Variants in ZFAND1 observed in about 807,000 individuals in gnomAD.
ZFAND1 encodes the protein zinc finger AN1-type containing 1, also known as AN1-type zinc finger protein 1.
In ZFAND1, 40 loss-of-function variants were observed where a neutral mutation model predicts 38.5. That is an observed-to-expected ratio of 1.04 (90% CI 0.81 to 1.35). The LOEUF is 1.35. ZFAND1 is among the 40% of genes most tolerant of loss of function. ZFAND1 has a pLI of 0.00. For missense variants in ZFAND1, 346 were observed against 316.3 expected, an observed-to-expected ratio of 1.09 and a Z score of -0.71; for synonymous variants, 117 against 103.6, an observed-to-expected ratio of 1.13 and a Z score of -0.78.
rs1371148661 is a variant in ZFAND1, at chr8:81,701,338, T to G, written c.*1357A>C. The G allele has an allele frequency of 2.0e-5, 3 of 152,152 alleles. No individual in the cohort carries two copies. The highest frequency in any genetic ancestry group is 3.8e-4 in the East Asian group (2 of 5,206). 9.4% of individuals were successfully genotyped at this position (152,152 alleles called of 1,614,324 possible). ...TTGAAGGCTCAGATATTATTAGCATTTTTTAGCAATAAAGTATTTTTTTAC... is the reference window on the plus strand; with the variant it reads ...TTGAAGGCTCAGATATTATTAGCATGTTTTAGCAATAAAGTATTTTTTTAC... On this transcript the variant is annotated 3_prime_UTR_variant, in exon 8 of 8. Transcript: ENST00000220669.
chr8:81,711,371 G>T (rs1394871755), intron 6 of ZFAND1, among the ~76,000 whole-genome samples: 2 of 152,016 alleles, frequency 1.3e-5, no homozygotes, highest in Non-Finnish European at 1.5e-5. Flanking sequence ...GAGATCGCAC[G>T]ACTGCACTCC....
At chr8:81,717,411 G>T (rs900632502) in intron 2 of ZFAND1, 123 bp from the exon 3 acceptor site, 5 of 609,454 alleles carry the variant, frequency 8.2e-6, no homozygotes, top group African/African-American at 3.8e-5. Flanking sequence ...TAATAACTTT[G>T]AATATGAGAA....
intron 3 of ZFAND1, among the ~76,000 whole-genome samples, chr8:81,716,362 C>T (rs1443424811): frequency 1.3e-5 from 2 of 152,152 alleles, no homozygotes; most frequent in Non-Finnish European, 2.9e-5. Context: ...TCTTTGCAAA[C>T]CCATTTGCTC....
rs896003118 is a variant in ZFAND1, at chr8:81,710,834, T to C, written c.480+3084A>G. ...GTAACTCTACAAACTATTAGAGTTA[T>C]ATAAAAAAATTAGCAAAAACACATC... is the stretch of plus-strand genomic sequence containing the variant. On this transcript the variant is annotated intron_variant, in intron 6 of 7. Coordinates refer to ENST00000220669, the MANE Select transcript of ZFAND1 (RefSeq NM_024699.3). Among the ~76,000 whole-genome samples the C allele has an allele frequency of 2.0e-4, 31 of 152,276 alleles. 2 individuals are homozygous for C. Among genetic ancestry groups the C allele is most frequent in the Middle Eastern group, 6.8e-3 (2 of 294 alleles).
In ZFAND1 at chr8:81,721,245, C is replaced by A. The variant is rs916832382; in HGVS notation, c.37G>T (p.Glu13Ter). The A allele has an allele frequency of 2.6e-6, 4 of 1,549,046 alleles. No individual in the cohort carries two copies. In the Admixed American group the frequency reaches 5.9e-5, roughly 23 times the overall value. Reference protein sequence around the residue: ...ELDIGQHCQVEHCRQRDFLPF... With the variant: ...ELDIGQHCQV ...GGATCACCTCGCTGCCGGCAATGCTCCACCTGGCAGTGCTGCCCGATGTCC... is the reference window on the plus strand; with the variant it reads ...GGATCACCTCGCTGCCGGCAATGCTACACCTGGCAGTGCTGCCCGATGTCC... The change falls in exon 1 of 8, where the codon GAG (glutamate) becomes TAG (stop). Residue 13 changes from glutamate (E) to a stop codon, truncating the protein, a stop_gained. Coordinates refer to ENST00000220669, the MANE Select transcript of ZFAND1 (RefSeq NM_024699.3). LOFTEE classifies it high-confidence loss of function.
intron 6 of ZFAND1, among the ~76,000 whole-genome samples, chr8:81,712,182 G>C (rs1808158197): frequency 6.6e-6 from 1 of 151,972 alleles, no homozygotes; most frequent in Non-Finnish European, 1.5e-5. Flanking sequence ...TTACAGTAAA[G>C]TTTAATATCC....
chr8:81,721,207 G>T lies in ZFAND1; in HGVS notation c.55+20C>A, dbSNP rs745709102. 9.1e-6 allele frequency: 14 copies of T among 1,546,628 alleles called. No homozygotes were observed. Among genetic ancestry groups the T allele is most frequent in the African/African-American group, 1.4e-5 (1 of 73,008 alleles). ...TGGTCTCCCGCGGCCGGGGATGGGG[G>T]CTGGAAGCTCCCGGATCACCTCGCT... On this transcript the variant is annotated intron_variant, in intron 1 of 7. Coordinates refer to ENST00000220669, the MANE Select transcript of ZFAND1 (RefSeq NM_024699.3).
In ZFAND1 at chr8:81,705,202, G is replaced by A. The variant is rs1299179594; in HGVS notation, c.481-2078C>T. Among the ~76,000 whole-genome samples the A allele has an allele frequency of 1.8e-4, 27 of 152,158 alleles. 1 individual carries two copies. Among genetic ancestry groups the A allele is most frequent in the Admixed American group, 1.8e-3 (27 of 15,274 alleles). On this transcript the variant is annotated intron_variant, in intron 6 of 7. Transcript: ENST00000220669. The stretch of plus-strand genomic sequence containing the variant: ...GCAGCTAAAGTTACTGCTGAATGCT[G>A]ACTTAAGTATAAAATTGCCAGACAG...
chr8:81,717,157 G>A (rs1585929626), intron 3 of ZFAND1, 92 bp downstream of exon 3: 1 of 1,089,204 alleles, frequency 9.2e-7, no homozygotes, highest in East Asian at 2.9e-5. Flanking sequence ...ACTTTAATCT[G>A]TGATACTGAC....
In ZFAND1 at chr8:81,721,259, T is replaced by G. The variant is rs764209106; in HGVS notation, c.23A>C (p.Gln8Pro). 3 of 1,549,278 alleles carry G rather than the reference T, an allele frequency of 1.9e-6. No homozygotes were observed. Among genetic ancestry groups the G allele is most frequent in the African/African-American group, 1.4e-5 (1 of 73,100 alleles). Residue 8 changes from glutamine to proline, a missense_variant, in exon 1 of 8, where the codon CAG (glutamine) becomes CCG (proline). Physicochemically the swap from Gln to Pro is moderately conservative, Grantham distance 76. Transcript: ENST00000220669. MAELDIG[Q>P]HCQVEHCRQR... ...CCGGCAATGCTCCACCTGGCAGTGC[T>G]GCCCGATGTCCAACTCCGCCATCTC...
rs191544629 is a variant in ZFAND1, at chr8:81,715,411, T to C, written c.139-297A>G. 3.8e-3 allele frequency among the ~76,000 whole-genome samples: 576 copies of C among 152,300 alleles called. 5 individuals are homozygous for C. Among genetic ancestry groups the C allele is most frequent in the African/African-American group, 0.013 (546 of 41,562 alleles). On this transcript the variant is annotated intron_variant, in intron 3 of 7. Transcript: ENST00000220669. ...TAACAGTCTCATACAAAGGTGCCCCTATGATATGCTCAGGTAATTATCTCA... is the reference window on the plus strand; with the variant it reads ...TAACAGTCTCATACAAAGGTGCCCCCATGATATGCTCAGGTAATTATCTCA...
At chr8:81,710,386 G>A (rs1373339534) in intron 6 of ZFAND1, among the ~76,000 whole-genome samples, 1 of 152,074 alleles carries the variant, frequency 6.6e-6, no homozygotes, top group East Asian at 1.9e-4. Context: ...AATATCAGGG[G>A]TAGTCAATAA....
At chr8:81,703,167 T>C in intron 6 of ZFAND1, 43 bp from the exon 7 acceptor site, 4 of 1,365,458 alleles carry the variant, frequency 2.9e-6, no homozygotes, top group South Asian at 1.8e-5. Flanking sequence ...ATAGACAAAA[T>C]AGACATCAGT....
chr8:81,705,205 T>G (rs549511607), intron 6 of ZFAND1, among the ~76,000 whole-genome samples: 1 of 152,144 alleles, frequency 6.6e-6, no homozygotes, highest in South Asian at 2.1e-4. Context: ...GAATGCTGAC[T>G]TAAGTATAAA....
chr8:81,706,366 G>GAAACA (rs1807981043), intron 6 of ZFAND1, among the ~76,000 whole-genome samples: 1 of 6,846 alleles, frequency 1.5e-4, no homozygotes, highest in East Asian at 2.3e-3. Context: ...TAAGGAAGGA[G>GAAACA]AAACAAAAAA....
rs903340521 is a variant in ZFAND1, at chr8:81,701,672, C to T, written c.*1023G>A. 3 of 152,208 alleles carry T rather than the reference C, an allele frequency of 2.0e-5. No homozygotes were observed. Among genetic ancestry groups the T allele is most frequent in the Non-Finnish European group, 4.4e-5 (3 of 68,030 alleles). The allele number at this position is 152,208 out of a possible 1,614,324, so 9.4% of individuals were successfully genotyped here. A position where few individuals can be genotyped will look rare whatever the true frequency, so the allele number is the denominator to read the frequency against. ...CATAATAAAAGTTGGAAATTATCTC[C>T]ATTCCTCACATAAAAATAATATGAA... is the stretch of plus-strand genomic sequence containing the variant. On this transcript the variant is annotated 3_prime_UTR_variant, in exon 8 of 8. Coordinates refer to ENST00000220669, the MANE Select transcript of ZFAND1 (RefSeq NM_024699.3).
chr8:81,718,732 A>C (rs2130439767), intron 1 of ZFAND1, among the ~76,000 whole-genome samples: 1 of 149,804 alleles, frequency 6.7e-6, no homozygotes, highest in East Asian at 1.9e-4. Flanking sequence ...ATATATATAT[A>C]TCGCCAAAGC....
At chr8:81,716,523 C>T (rs770734796) in intron 3 of ZFAND1, among the ~76,000 whole-genome samples, 1 of 152,102 alleles carries the variant, frequency 6.6e-6, no homozygotes, top group African/African-American at 2.4e-5. Context: ...TGTCTTAAGT[C>T]GACTGAGCCA....
rs527774502 is a variant in ZFAND1 at position 81,702,790 on chromosome 8, C to T, written c.712G>A (p.Glu238Lys). ...DHTLETWIAK[E>K]DCPLYNGGNI... ...CCACCATTATATAAAGGACAATCCT[C>T]CTTAGCAATCCAGGTTTCCAAAGTA... The change falls in exon 8 of 8, where the codon GAG (glutamate) becomes AAG (lysine). Residue 238 changes from glutamate (E) to lysine (K), a missense_variant. Coordinates refer to ENST00000220669, the MANE Select transcript of ZFAND1 (RefSeq NM_024699.3). 2.1e-5 allele frequency: 34 copies of T among 1,609,484 alleles called. No homozygotes were observed. In the South Asian group the frequency reaches 3.6e-4, roughly 17 times the overall value.
Sources: allele counts gnomAD v4.1 joint callset (sites outside exome capture counted in the v4.1 genomes callset), GRCh38; gene constraint gnomAD v4.1.1; transcripts MANE v1.5; gene names NCBI Gene and HGNC (gene_info 2026-07-23, HGNC 2026-07-21).